CD79A: variants seen among roughly 807,000 people sequenced by gnomAD.
CD79A encodes the protein CD79a molecule.
A neutral mutation model predicts 27.4 loss-of-function variants in CD79A; 16 were observed. The ratio of observed to expected loss-of-function variants is 0.58; its 90% CI spans 0.40 to 0.89. The LOEUF is 0.89. CD79A is among the 40% of genes least tolerant of loss of function. The probability of loss-of-function intolerance (pLI) is 0.00; values close to 1 mark genes in which losing one functional copy is unlikely to be tolerated. For missense variants in CD79A, 237 were observed against 299.7 expected, an observed-to-expected ratio of 0.79 and a Z score of 1.55; for synonymous variants, 110 against 132.7, an observed-to-expected ratio of 0.83 and a Z score of 1.18.
chr19:41,877,327 T>TCCAAGCTCTGCCTGC lies in CD79A; in HGVS notation c.25_39dup (p.Gln9_Ala13dup), dbSNP rs1555843089. 5 of 1,614,112 alleles carry TCCAAGCTCTGCCTGC rather than the reference T, an allele frequency of 3.1e-6. No homozygotes were observed. The highest frequency in any genetic ancestry group is 4.2e-6 in the Non-Finnish European group (5 of 1,179,982). The stretch of plus-strand genomic sequence containing the variant: ...AAGATGCCTGGGGGTCCAGGAGTCC[T>TCCAAGCTCTGCCTGC]CCAAGCTCTGCCTGCCACCATCTTC... On this transcript the variant is annotated inframe_insertion, in exon 1 of 5. Coordinates refer to ENST00000221972, the MANE Select transcript of CD79A (RefSeq NM_001783.4). The surrounding 1 kb of genome is among the most constrained non-coding windows in gnomAD (Gnocchi z 4.1).
At chr19:41,880,217 A>C (rs1289384101) in intron 3 of CD79A, among the ~76,000 whole-genome samples, 1 of 151,926 alleles carries the variant, frequency 6.6e-6, no homozygotes, top group East Asian at 1.9e-4. Context: ...ACACACACAA[A>C]GTCTTAAAAA....
At position 41,878,170 on chromosome 19, in the gene CD79A, C is replaced by T. The variant is rs1555843245; in HGVS notation, c.79+787C>T. On this transcript the variant is annotated intron_variant, in intron 1 of 4. Transcript: ENST00000221972. This position sits in a 1 kb window ranked among gnomAD's most constrained non-coding sequence, Gnocchi z 4.3. ...CACTCAGAGACACCCCCAGTCTCCACCCCGCTCTGAGCCCCTTCAATCACC... is the reference window on the plus strand; with the variant it reads ...CACTCAGAGACACCCCCAGTCTCCATCCCGCTCTGAGCCCCTTCAATCACC... 1.3e-5 allele frequency among the ~76,000 whole-genome samples: 2 copies of T among 152,140 alleles called. No individual in the cohort carries two copies. The highest frequency in any genetic ancestry group is 4.8e-5 in the African/African-American group (2 of 41,424).
At position 41,877,331 on chromosome 19, in the gene CD79A, A is replaced by G. The variant is rs2074193909; in HGVS notation, c.27A>G (p.Gln9=). 1.2e-6 allele frequency: 2 copies of G among 1,614,150 alleles called. No homozygotes were observed. Among genetic ancestry groups the G allele is most frequent in the Non-Finnish European group, 1.7e-6 (2 of 1,180,000 alleles). The change falls in exon 1 of 5, where the codon CAA becomes CAG. Residue 9 remains glutamine, a synonymous_variant. Transcript: ENST00000221972. The surrounding 1 kb of genome is among the most constrained non-coding windows in gnomAD (Gnocchi z 4.1). MPGGPGVL[Q]ALPATIFLLF... ...TGCCTGGGGGTCCAGGAGTCCTCCA[A>G]GCTCTGCCTGCCACCATCTTCCTCC...
In CD79A at chr19:41,879,441, T is replaced by G. The variant is rs546578669; in HGVS notation, c.380-94T>G. 9.2e-5 allele frequency: 110 copies of G among 1,197,828 alleles called. 2 individuals are homozygous for G. Among genetic ancestry groups the G allele is most frequent in the East Asian group, 2.8e-4 (11 of 39,984 alleles). The allele number at this position is 1,197,828 out of a possible 1,614,324, so 74.2% of individuals were successfully genotyped here. On this transcript the variant is annotated intron_variant, in intron 2 of 4. Transcript: ENST00000221972. The surrounding 1 kb of genome is among the most constrained non-coding windows in gnomAD (Gnocchi z 5.1). The stretch of plus-strand genomic sequence containing the variant: ...ATTCTCCTCTGCAGAGTGGGGTCTC[T>G]GGGGGGTCTGGGGCCTTGCAGGAGG...
Position 41,879,272 on chromosome 19 carries a change from C to G in CD79A, c.362C>G (p.Thr121Ser). ...GNESYQQSCGTYLRVRQPPPR... is the reference protein window; with the variant it reads ...GNESYQQSCGSYLRVRQPPPR... ...GAGTCATACCAGCAGTCCTGCGGCA[C>G]CTACCTCCGCGTGCGCCGTGAGTGG... The change falls in exon 2 of 5, where the codon ACC (threonine) becomes AGC (serine). Residue 121 changes from threonine to serine, a missense_variant. Thr to Ser is a moderately conservative substitution (Grantham distance 58). Transcript: ENST00000221972. This position sits in a 1 kb window ranked among gnomAD's most constrained non-coding sequence, Gnocchi z 5.1. The G allele has an allele frequency of 6.2e-7, 1 of 1,612,882 alleles. No homozygotes were observed. Among genetic ancestry groups the G allele is most frequent in the Non-Finnish European group, 8.5e-7 (1 of 1,179,968 alleles).
At position 41,878,977 on chromosome 19, in the gene CD79A, T is replaced by C; in HGVS notation, c.80-13T>C. ...TCCCCAGTCCCTGACCCACCCACCC[T>C]GTCTCTCCACAGGCCCTGGGTGCCA... On this transcript the variant is annotated splice_polypyrimidine_tract_variant and intron_variant, in intron 1 of 4. Coordinates refer to ENST00000221972, the MANE Select transcript of CD79A (RefSeq NM_001783.4). This position sits in a 1 kb window ranked among gnomAD's most constrained non-coding sequence, Gnocchi z 4.3. 6.2e-6 allele frequency: 4 copies of C among 645,032 alleles called. No individual in the cohort carries two copies. The highest frequency in any genetic ancestry group is 8.4e-6 in the Non-Finnish European group (3 of 358,416). The allele number at this position is 645,032 out of a possible 1,614,324, so 40.0% of individuals were successfully genotyped here.
In CD79A at chr19:41,878,886, GA is replaced by G. The variant is rs879956342; in HGVS notation, c.80-103del. 12 of 888,972 alleles carry G rather than the reference GA, an allele frequency of 1.3e-5. No individual in the cohort carries two copies. Among genetic ancestry groups the G allele is most frequent in the Admixed American group, 1.2e-4 (6 of 48,898 alleles). 55.1% of individuals were successfully genotyped at this position (888,972 alleles called of 1,614,324 possible). On this transcript the variant is annotated intron_variant, in intron 1 of 4. Coordinates refer to ENST00000221972, the MANE Select transcript of CD79A (RefSeq NM_001783.4). The surrounding 1 kb of genome is among the most constrained non-coding windows in gnomAD (Gnocchi z 4.3). Reference sequence around the variant, plus strand: ...TCTCTCTCTCCCTCCCCACCCAGGAGAGTCCTCACCCTCTTCCCAGGAGTGC... The same window carrying G: ...TCTCTCTCTCCCTCCCCACCCAGGAGGTCCTCACCCTCTTCCCAGGAGTGC...
Position 41,879,374 on chromosome 19 carries a change from C to T in CD79A, c.379+85C>T. On this transcript the variant is annotated intron_variant, in intron 2 of 4. Coordinates refer to ENST00000221972, the MANE Select transcript of CD79A (RefSeq NM_001783.4). The surrounding 1 kb of genome is among the most constrained non-coding windows in gnomAD (Gnocchi z 5.1). ...TTTGAAGTGGGGATAGAGCCAGTACCTTCAATGTGGGTTTCAAACCGGCTT... is the reference window on the plus strand; with the variant it reads ...TTTGAAGTGGGGATAGAGCCAGTACTTTCAATGTGGGTTTCAAACCGGCTT... 7.2e-7 allele frequency: 1 copy of T among 1,392,012 alleles called. No homozygotes were observed. Among genetic ancestry groups the T allele is most frequent in the Non-Finnish European group, 9.9e-7 (1 of 1,007,052 alleles). 86.2% of individuals were successfully genotyped at this position (1,392,012 alleles called of 1,614,324 possible).
Position 41,878,256 on chromosome 19 carries a change from A to G in CD79A, c.80-734A>G, listed in dbSNP as rs1200693349. Among the ~76,000 whole-genome samples, 2 of 152,320 alleles carry G rather than the reference A, an allele frequency of 1.3e-5. No individual in the cohort carries two copies. Among genetic ancestry groups the G allele is most frequent in the East Asian group, 1.9e-4 (1 of 5,178 alleles). On this transcript the variant is annotated intron_variant, in intron 1 of 4. Coordinates refer to ENST00000221972, the MANE Select transcript of CD79A (RefSeq NM_001783.4). The surrounding 1 kb of genome is among the most constrained non-coding windows in gnomAD (Gnocchi z 4.3). Reference sequence around the variant, plus strand: ...CCCTAGGTTGACACATACAACTTACAGAGAATGAGGGCCAGGCACAGGGTC... The same window carrying G: ...CCCTAGGTTGACACATACAACTTACGGAGAATGAGGGCCAGGCACAGGGTC...
rs1555843245 is a variant in CD79A at position 41,878,170 on chromosome 19, C to G, written c.79+787C>G. Reference sequence around the variant, plus strand: ...CACTCAGAGACACCCCCAGTCTCCACCCCGCTCTGAGCCCCTTCAATCACC... The same window carrying G: ...CACTCAGAGACACCCCCAGTCTCCAGCCCGCTCTGAGCCCCTTCAATCACC... On this transcript the variant is annotated intron_variant, in intron 1 of 4. Transcript: ENST00000221972. The surrounding 1 kb of genome is among the most constrained non-coding windows in gnomAD (Gnocchi z 4.3). Among the ~76,000 whole-genome samples the G allele has an allele frequency of 1.3e-5, 2 of 152,140 alleles. No individual in the cohort carries two copies. The highest frequency in any genetic ancestry group is 4.8e-5 in the African/African-American group (2 of 41,424).
At position 41,879,606 on chromosome 19, in the gene CD79A, A is replaced by G; in HGVS notation, c.451A>G (p.Ile151Val). Residue 151 changes from isoleucine to valine, a missense_variant, in exon 3 of 5, where the codon ATC becomes GTC. Transcript: ENST00000221972. This position sits in a 1 kb window ranked among gnomAD's most constrained non-coding sequence, Gnocchi z 5.1. ...CCGAATCATCACAGCCGAGGGGATCATCCTCCTGTTCTGCGCGGTGGTGCC... is the reference window on the plus strand; with the variant it reads ...CCGAATCATCACAGCCGAGGGGATCGTCCTCCTGTTCTGCGCGGTGGTGCC... ...KNRIITAEGIILLFCAVVPGT... is the reference protein window; with the variant it reads ...KNRIITAEGIVLLFCAVVPGT... 6.2e-7 allele frequency: 1 copy of G among 1,612,402 alleles called. No homozygotes were observed. The highest frequency in any genetic ancestry group is 1.1e-5 in the South Asian group (1 of 90,722).
Position 41,878,608 on chromosome 19 carries a change from T to G in CD79A, c.80-382T>G, listed in dbSNP as rs2074202062. Among the ~76,000 whole-genome samples the G allele has an allele frequency of 6.6e-6, 1 of 152,114 alleles. No homozygotes were observed. The highest frequency in any genetic ancestry group is 1.5e-5 in the Non-Finnish European group (1 of 68,010). On this transcript the variant is annotated intron_variant, in intron 1 of 4. Coordinates refer to ENST00000221972, the MANE Select transcript of CD79A (RefSeq NM_001783.4). The surrounding 1 kb of genome is among the most constrained non-coding windows in gnomAD (Gnocchi z 4.3). ...GTCTGGACAGCGGTCCTCCAGTGCC[T>G]GGAACAAACATCCAAAATCCAGAGA...
In CD79A at chr19:41,881,229, T is replaced by G; in HGVS notation, c.*249T>G. The G allele has an allele frequency of 1.7e-6, 1 of 572,094 alleles. No homozygotes were observed. Among genetic ancestry groups the G allele is most frequent in the East Asian group, 2.9e-5 (1 of 33,996 alleles). The allele number at this position is 572,094 out of a possible 1,614,324, so 35.4% of individuals were successfully genotyped here. A position where few individuals can be genotyped will look rare whatever the true frequency, so the allele number is the denominator to read the frequency against. ...ACCTAATCCCCCCGCCCCGCTGCCT[T>G]TCCCAGGCTCCCCTCACCCCAGCGG... On this transcript the variant is annotated 3_prime_UTR_variant, in exon 5 of 5. Coordinates refer to ENST00000221972, the MANE Select transcript of CD79A (RefSeq NM_001783.4).
chr19:41,881,052 G>A lies in CD79A; in HGVS notation c.*72G>A. ...CCAGTGTCTCAGCTCACTTCCCTGG[G>A]ACATTCTCCTTTCAGCCCTTCTGGG... On this transcript the variant is annotated 3_prime_UTR_variant, in exon 5 of 5. Transcript: ENST00000221972. The A allele has an allele frequency of 1.1e-6, 1 of 921,622 alleles. No individual in the cohort carries two copies. 57.1% of individuals were successfully genotyped at this position (921,622 alleles called of 1,614,324 possible). A position where few individuals can be genotyped will look rare whatever the true frequency, so the allele number is the denominator to read the frequency against.
chr19:41,879,472 G>T lies in CD79A; in HGVS notation c.380-63G>T, dbSNP rs1555843665. Reference sequence around the variant, plus strand: ...GTCTGGGGCCTTGCAGGAGGTGGGCGGGGCCAGGAGGCTAGGGAGGGCAAG... The same window carrying T: ...GTCTGGGGCCTTGCAGGAGGTGGGCTGGGCCAGGAGGCTAGGGAGGGCAAG... On this transcript the variant is annotated intron_variant, in intron 2 of 4. Coordinates refer to ENST00000221972, the MANE Select transcript of CD79A (RefSeq NM_001783.4). This position sits in a 1 kb window ranked among gnomAD's most constrained non-coding sequence, Gnocchi z 5.1. The T allele has an allele frequency of 1.5e-6, 2 of 1,320,552 alleles. No homozygotes were observed. The highest frequency in any genetic ancestry group is 1.1e-6 in the Non-Finnish European group (1 of 937,150). The allele number at this position is 1,320,552 out of a possible 1,614,324, so 81.8% of individuals were successfully genotyped here.
In CD79A at chr19:41,880,663, C is replaced by A; in HGVS notation, c.499-7C>A. The A allele has an allele frequency of 6.5e-7, 1 of 1,528,478 alleles. No homozygotes were observed. The highest frequency in any genetic ancestry group is 8.9e-7 in the Non-Finnish European group (1 of 1,126,656). The allele number at this position is 1,528,478 out of a possible 1,614,324, so 94.7% of individuals were successfully genotyped here. ...CACTGAGGCACCCACCCCACCCACC[C>A]CTACAGAAACGATGGCAGAACGAGA... is the stretch of plus-strand genomic sequence containing the variant. On this transcript the variant is annotated splice_polypyrimidine_tract_variant and splice_region_variant and intron_variant, in intron 3 of 4. Transcript: ENST00000221972.
chr19:41,880,056 C>T (rs2074212464), intron 3 of CD79A, among the ~76,000 whole-genome samples: 1 of 152,104 alleles, frequency 6.6e-6, no homozygotes, highest in Non-Finnish European at 1.5e-5. Flanking sequence ...TTAGGCACTA[C>T]AGAAAGTGTG....
chr19:41,879,421 C>A lies in CD79A; in HGVS notation c.380-114C>A. The A allele has an allele frequency of 8.2e-7, 1 of 1,215,272 alleles. No homozygotes were observed. Among genetic ancestry groups the A allele is most frequent in the Non-Finnish European group, 1.2e-6 (1 of 852,172 alleles). 75.3% of individuals were successfully genotyped at this position (1,215,272 alleles called of 1,614,324 possible). ...GCTTGGACAGAGGGACGGACATTCT[C>A]CTCTGCAGAGTGGGGTCTCTGGGGG... On this transcript the variant is annotated intron_variant, in intron 2 of 4. Transcript: ENST00000221972. This position sits in a 1 kb window ranked among gnomAD's most constrained non-coding sequence, Gnocchi z 5.1.
In CD79A at chr19:41,879,716, C is replaced by A; in HGVS notation, c.498+63C>A. The A allele has an allele frequency of 2.7e-6, 3 of 1,099,676 alleles. No individual in the cohort carries two copies. Among genetic ancestry groups the A allele is most frequent in the Non-Finnish European group, 2.8e-6 (2 of 724,442 alleles). 68.1% of individuals were successfully genotyped at this position (1,099,676 alleles called of 1,614,324 possible). ...GCCTGGGCCGAGGGACCCCCAATAC[C>A]CAGGTAGCCCTCTAGAGCCTGAGGT... is the stretch of plus-strand genomic sequence containing the variant. On this transcript the variant is annotated intron_variant, in intron 3 of 4. Transcript: ENST00000221972. The surrounding 1 kb of genome is among the most constrained non-coding windows in gnomAD (Gnocchi z 5.1).
Sources: gnomAD v4.1 joint callset for allele counts (sites outside exome capture counted in the v4.1 genomes callset) on GRCh38, gnomAD v4.1.1 for gene constraint, Gnocchi (gnomAD v3.1) non-coding constraint, MANE v1.5 for transcripts, NCBI Gene and HGNC (gene_info 2026-07-23, HGNC 2026-07-21) for gene names.